The following ABCB5 variants were observed in gnomAD, a reference collection of about 807,000 sequenced individuals.
The protein encoded by ABCB5 is ATP binding cassette subfamily B member 5, also known as ATP-binding cassette sub-family B member 5.
In ABCB5, 155 loss-of-function variants were observed where a neutral mutation model predicts 144.2. That is an observed-to-expected ratio of 1.08 (90% confidence interval 0.94 to 1.23). ABCB5 has a LOEUF of 1.23. Among genes scored for constraint, ABCB5 ranks in the 50% most tolerant of loss-of-function variants. ABCB5 has a pLI of 0.00. For missense variants in ABCB5, 1,830 were observed against 1,520.8 expected, an observed-to-expected ratio of 1.20 and a Z score of -3.38; for synonymous variants, 610 against 528.6, an observed-to-expected ratio of 1.15 and a Z score of -2.11.
intron 20 of ABCB5, among the ~76,000 whole-genome samples, chr7:20,717,607 T>C (rs1208225323): frequency 6.6e-5 from 10 of 151,808 alleles, no homozygotes; most frequent in Non-Finnish European, 1.5e-4. Flanking sequence ...CATGCCCGGC[T>C]AATTTATTTT....
chr7:20,709,013 A>G (rs1176342915), intron 20 of ABCB5, among the ~76,000 whole-genome samples: 1 of 152,244 alleles, frequency 6.6e-6, no homozygotes, highest in East Asian at 1.9e-4. Flanking sequence ...GCAACTGAGC[A>G]GTGTCAGTAA....
At chr7:20,745,625 T>G (rs1562591077) in intron 26 of ABCB5, among the ~76,000 whole-genome samples, 187 bp downstream of exon 26, 2 of 152,334 alleles carry the variant, frequency 1.3e-5, no homozygotes, top group Non-Finnish European at 2.9e-5. Context: ...TGTGACGATT[T>G]TCCTACGACC....
At chr7:20,680,351 G>A (rs1056783274) in intron 14 of ABCB5, among the ~76,000 whole-genome samples, 1 of 152,158 alleles carries the variant, frequency 6.6e-6, no homozygotes, top group Non-Finnish European at 1.5e-5. Context: ...AAGGTCAGGA[G>A]ATCGAGACCA....
rs199569860 is a variant in ABCB5 at position 20,745,261 on chromosome 7, G to T, written c.3252G>T (p.Leu1084Phe). 2 of 1,613,832 alleles carry T rather than the reference G, an allele frequency of 1.2e-6. No individual in the cohort carries two copies. The highest frequency in any genetic ancestry group is 1.1e-5 in the South Asian group (1 of 91,070). ...TTGATGGTGTGGATGCAAAAGAATT[G>T]AATGTACAGTGGCTCCGTTCCCAAA... ...VLFDGVDAKE[L>F]NVQWLRSQIA... The change falls in exon 26 of 28, where the codon TTG becomes TTT. Residue 1084 changes from leucine (L) to phenylalanine (F), a missense_variant. Leu to Phe is a conservative substitution (Grantham distance 22). Coordinates refer to ENST00000404938, the MANE Select transcript of ABCB5 (RefSeq NM_001163941.2).
At chr7:20,672,767 C>G (rs1383540564) in intron 14 of ABCB5, among the ~76,000 whole-genome samples, 1 of 152,036 alleles carries the variant, frequency 6.6e-6, no homozygotes, top group Non-Finnish European at 1.5e-5. Flanking sequence ...TGGTCCTGTA[C>G]AATTTGTTGA....
chr7:20,665,177 G>A lies in ABCB5; in HGVS notation c.1707+6501G>A, dbSNP rs533743416. 4.6e-5 allele frequency among the ~76,000 whole-genome samples: 7 copies of A among 152,200 alleles called. No homozygotes were observed. The South Asian group carries it at 1.2e-3, about 27-fold the overall frequency. ...TTTTGAAAGTGTTTCTTTTCTAAAG[G>A]GTCTTAACCCAAGCATTCATGCATT... is the stretch of plus-strand genomic sequence containing the variant. On this transcript the variant is annotated intron_variant, in intron 14 of 27. Coordinates refer to ENST00000404938, the MANE Select transcript of ABCB5 (RefSeq NM_001163941.2).
At position 20,755,816 on chromosome 7, in the gene ABCB5, T is replaced by TTCATG; in HGVS notation, c.*194_*198dup. The TTCATG allele has an allele frequency of 1.7e-6, 1 of 574,886 alleles. No homozygotes were observed. Among genetic ancestry groups the TTCATG allele is most frequent in the South Asian group, 2.4e-5 (1 of 42,450 alleles). The allele number at this position is 574,886 out of a possible 1,614,324, so 35.6% of individuals were successfully genotyped here. On this transcript the variant is annotated 3_prime_UTR_variant, in exon 28 of 28. Transcript: ENST00000404938. ...TAAAAGGAAGCAAAAATTTGCTTAT[T>TTCATG]TCATGTAAGTGAAATAATGCTTATA...
chr7:20,632,867 T>A (rs1298081298), intron 5 of ABCB5, among the ~76,000 whole-genome samples: 1 of 26,158 alleles, frequency 3.8e-5, no homozygotes, highest in Admixed American at 4.5e-4. Context: ...GTTGTGGGGT[T>A]GGGGGAGGGG....
chr7:20,708,060 C>T (rs368809354), intron 20 of ABCB5, among the ~76,000 whole-genome samples: 1 of 152,198 alleles, frequency 6.6e-6, no homozygotes. Context: ...CCGCCTCGGC[C>T]TCCCAAAGTG....
At chr7:20,669,326 G>A (rs1207918816) in intron 14 of ABCB5, among the ~76,000 whole-genome samples, 25 of 147,500 alleles carry the variant, frequency 1.7e-4, no homozygotes, top group Non-Finnish European at 3.1e-4. Flanking sequence ...TCGGATGGTT[G>A]CCGGGTCTGT....
intron 20 of ABCB5, among the ~76,000 whole-genome samples, chr7:20,718,733 G>C (rs1305066110): frequency 1.3e-5 from 2 of 152,130 alleles, no homozygotes; most frequent in Non-Finnish European, 2.9e-5. Context: ...AAGAATGTAA[G>C]AGTATATACA....
chr7:20,643,496 A>C lies in ABCB5; in HGVS notation c.542A>C (p.Lys181Thr), dbSNP rs369460474. 1.9e-6 allele frequency: 3 copies of C among 1,614,032 alleles called. No homozygotes were observed. The highest frequency in any genetic ancestry group is 1.7e-6 in the Non-Finnish European group (2 of 1,179,882). ...IDKISDGIGD[K>T]IALLFQNMST... Reference sequence around the variant, plus strand: ...AAAATCAGTGATGGTATTGGAGATAAGATTGCTCTGTTGTTTCAAAACATG... The same window carrying C: ...AAAATCAGTGATGGTATTGGAGATACGATTGCTCTGTTGTTTCAAAACATG... Residue 181 changes from lysine to threonine, a missense_variant, in exon 7 of 28, where the codon AAG (lysine) becomes ACG (threonine). By Grantham distance (78) the Lys-to-Thr change is moderately conservative (BLOSUM62 -1). Coordinates refer to ENST00000404938, the MANE Select transcript of ABCB5 (RefSeq NM_001163941.2).
intron 16 of ABCB5, among the ~76,000 whole-genome samples, chr7:20,692,979 G>A (rs533506262): frequency 2.6e-5 from 4 of 151,940 alleles, no homozygotes; most frequent in African/African-American, 7.3e-5. Flanking sequence ...ATAGAAATTC[G>A]GCAGAAACAT....
intron 1 of ABCB5, among the ~76,000 whole-genome samples, chr7:20,622,747 G>A (rs929756257): frequency 1.3e-5 from 2 of 151,972 alleles, no homozygotes; most frequent in Non-Finnish European, 2.9e-5. Context: ...AATGATGAAT[G>A]GATTTTCAAA....
chr7:20,693,121 A>C (rs1204081548), intron 16 of ABCB5, among the ~76,000 whole-genome samples: 4 of 152,142 alleles, frequency 2.6e-5, no homozygotes, highest in African/African-American at 9.7e-5. Flanking sequence ...CATATTCTGG[A>C]CTATAACACA....
chr7:20,733,773 G>C (rs1782298650), intron 23 of ABCB5, among the ~76,000 whole-genome samples: 1 of 151,902 alleles, frequency 6.6e-6, no homozygotes, highest in Admixed American at 6.6e-5. Flanking sequence ...TGAGTAGTTG[G>C]GACTACAGGC....
intron 16 of ABCB5, among the ~76,000 whole-genome samples, chr7:20,686,867 C>T (rs1463884238): frequency 6.6e-6 from 1 of 152,162 alleles, no homozygotes; most frequent in Non-Finnish European, 1.5e-5. Flanking sequence ...TGTCAATTAT[C>T]TGCCTGAAGC....
Position 20,750,674 on chromosome 7 carries a change from T to G in ABCB5, c.3430-2686T>G, listed in dbSNP as rs140746106. ...GTATAATACGTAGACTTTTTTCTTC[T>G]AAGGTTGAAAAAAAATCAGAATTCT... On this transcript the variant is annotated intron_variant, in intron 26 of 27. Coordinates refer to ENST00000404938, the MANE Select transcript of ABCB5 (RefSeq NM_001163941.2). Among the ~76,000 whole-genome samples, 653 of 152,192 alleles carry G rather than the reference T, an allele frequency of 4.3e-3. 4 individuals are homozygous for G. The highest frequency in any genetic ancestry group is 0.015 in the African/African-American group (616 of 41,508).
chr7:20,728,175 C>T lies in ABCB5; in HGVS notation c.2727-140C>T, dbSNP rs566436566. 7 of 975,822 alleles carry T rather than the reference C, an allele frequency of 7.2e-6. No individual in the cohort carries two copies. In the East Asian group the frequency reaches 1.9e-4, roughly 26 times the overall value. The allele number at this position is 975,822 out of a possible 1,614,324, so 60.4% of individuals were successfully genotyped here. A position where few individuals can be genotyped will look rare whatever the true frequency, so the allele number is the denominator to read the frequency against. On this transcript the variant is annotated intron_variant, in intron 22 of 27. Transcript: ENST00000404938. ...CTCAGTAGTAAAAAAAAAAAAATCA[C>T]TTTCTCTTTCATCATTCGAAAAATG...
Sources: allele counts gnomAD v4.1 joint callset (sites outside exome capture counted in the v4.1 genomes callset), GRCh38; gene constraint gnomAD v4.1.1; transcripts MANE v1.5; gene names NCBI Gene and HGNC (gene_info 2026-07-23, HGNC 2026-07-21).